DIAPH3: variants seen among roughly 807,000 people sequenced by gnomAD.
DIAPH3 encodes the protein diaphanous related formin 3, also known as protein diaphanous homolog 3.
Under a neutral mutation model 144.3 loss-of-function variants are expected in DIAPH3, and 117 were observed. The ratio of observed to expected loss-of-function variants is 0.81; its 90% CI spans 0.70 to 0.95. The LOEUF (loss-of-function observed/expected upper bound fraction) is 0.95, where lower values mean the gene tolerates loss of function less well. DIAPH3 is among the 40% of genes least tolerant of loss of function. The pLI is 0.00. For synonymous variants in DIAPH3, 519 were observed against 488.9 expected (o/e 1.06, Z -0.81); for missense variants, 1,421 against 1,412.7 (o/e 1.01, Z -0.09).
intron 22 of DIAPH3, among the ~76,000 whole-genome samples, chr13:59,852,379 C>G (rs1341142973): frequency 6.6e-6 from 1 of 152,134 alleles, no homozygotes; most frequent in Admixed American, 6.5e-5. Context: ...TAATTCTTGG[C>G]TGAAATGAAA....
chr13:59,800,671 G>A (rs1235860452), intron 25 of DIAPH3, among the ~76,000 whole-genome samples: 2 of 152,086 alleles, frequency 1.3e-5, no homozygotes, highest in Non-Finnish European at 1.5e-5. Context: ...TAATCCAAAC[G>A]ACATGTTTCC....
chr13:60,036,840 T>C (rs899324471), intron 5 of DIAPH3, among the ~76,000 whole-genome samples: 3 of 152,026 alleles, frequency 2.0e-5, no homozygotes, highest in Middle Eastern at 3.4e-3. Context: ...AATGATAGAA[T>C]AGGAAATAAT....
At chr13:60,135,167 G>T (rs1018202368) in intron 1 of DIAPH3, among the ~76,000 whole-genome samples, 1 of 151,316 alleles carries the variant, frequency 6.6e-6, no homozygotes, top group Non-Finnish European at 1.5e-5. Context: ...ATTTCAGTTG[G>T]GCTCACAACG....
At chr13:59,870,464 T>C (rs2044190812) in intron 21 of DIAPH3, among the ~76,000 whole-genome samples, 1 of 152,062 alleles carries the variant, frequency 6.6e-6, no homozygotes, top group African/African-American at 2.4e-5. Flanking sequence ...CTGGGTCTTT[T>C]GCCTCCCCAT....
chr13:60,123,568 C>T (rs971265129), intron 2 of DIAPH3, among the ~76,000 whole-genome samples: 1 of 152,150 alleles, frequency 6.6e-6, no homozygotes, highest in South Asian at 2.1e-4. Context: ...TCCTAATTAA[C>T]TCATTAATGG....
chr13:60,158,906 TAAAAAAAA>T (rs71197285), intron 1 of DIAPH3, among the ~76,000 whole-genome samples: 3 of 76,914 alleles, frequency 3.9e-5, no homozygotes, highest in East Asian at 7.8e-4. Context: ...TGGCCCCTCT[TAAAAAAAA>T]AAAAAAAAAA....
In DIAPH3 at chr13:59,666,778, T is replaced by C. The variant is rs754504888; in HGVS notation, c.3388A>G (p.Thr1130Ala). The change falls in exon 28 of 28, where the codon ACT becomes GCT. Residue 1130 changes from threonine (T) to alanine (A), a missense_variant. Transcript: ENST00000400324. Reference protein sequence around the residue: ...HYNINCNSTRTPVAKELNYNL... With the variant: ...HYNINCNSTRAPVAKELNYNL... Reference sequence around the variant, plus strand: ...TAATTAAGCTCCTTGGCGACTGGAGTCCTTGTTGAGTTGCAATTGATATTG... The same window carrying C: ...TAATTAAGCTCCTTGGCGACTGGAGCCCTTGTTGAGTTGCAATTGATATTG... 2 of 1,614,098 alleles carry C rather than the reference T, an allele frequency of 1.2e-6. No homozygotes were observed. The highest frequency in any genetic ancestry group is 2.2e-5 in the South Asian group (2 of 91,058).
intron 24 of DIAPH3, among the ~76,000 whole-genome samples, chr13:59,820,659 C>T (rs557194512): frequency 6.6e-6 from 1 of 151,342 alleles, no homozygotes; most frequent in East Asian, 1.9e-4. Flanking sequence ...TATAAACAGC[C>T]TATATTCCAA....
At chr13:59,805,731 C>T (rs1220592412) in intron 25 of DIAPH3, among the ~76,000 whole-genome samples, 1 of 151,900 alleles carries the variant, frequency 6.6e-6, no homozygotes, top group Non-Finnish European at 1.5e-5. Flanking sequence ...TGTTTTAACA[C>T]TATAACATGA....
At chr13:59,701,143 T>A (rs989733164) in intron 27 of DIAPH3, among the ~76,000 whole-genome samples, 2 of 152,224 alleles carry the variant, frequency 1.3e-5, no homozygotes, top group Non-Finnish European at 2.9e-5. Flanking sequence ...TAGAAATTGA[T>A]CTTATCCTTC....
At chr13:59,826,658 C>T (rs1424440274) in intron 24 of DIAPH3, among the ~76,000 whole-genome samples, 1 of 151,678 alleles carries the variant, frequency 6.6e-6, no homozygotes, top group African/African-American at 2.4e-5. Context: ...CAATGACTTT[C>T]TTCACAAAAT....
At chr13:59,756,444 A>AGAAGGAAG (rs921922529) in intron 27 of DIAPH3, among the ~76,000 whole-genome samples, 1 of 122,758 alleles carries the variant, frequency 8.1e-6, no homozygotes, top group Non-Finnish European at 1.7e-5. Flanking sequence ...AAGGAAGGAA[A>AGAAGGAAG]GAAGGAAGGA....
intron 25 of DIAPH3, among the ~76,000 whole-genome samples, 181 bp from the exon 26 acceptor site, chr13:59,775,004 T>C (rs765868029): frequency 1.7e-4 from 26 of 152,204 alleles, no homozygotes; most frequent in Non-Finnish European, 8.8e-5. Context: ...TATCTTTTAA[T>C]GAAAACTGCC....
chr13:59,765,314 T>A (rs917456497), intron 27 of DIAPH3, among the ~76,000 whole-genome samples: 2 of 152,176 alleles, frequency 1.3e-5, no homozygotes, highest in African/African-American at 4.8e-5. Flanking sequence ...GGCAAATGTA[T>A]CATGGAAGGA....
At chr13:59,810,491 T>A (rs2040418127) in intron 25 of DIAPH3, among the ~76,000 whole-genome samples, 1 of 152,332 alleles carries the variant, frequency 6.6e-6, no homozygotes, top group South Asian at 2.1e-4. Context: ...TTAACTGACA[T>A]ACATTATTAA....
At chr13:59,693,861 G>A (rs1274049170) in intron 27 of DIAPH3, among the ~76,000 whole-genome samples, 5 of 152,042 alleles carry the variant, frequency 3.3e-5, no homozygotes, top group Admixed American at 1.3e-4. Flanking sequence ...GGCCAAAAGT[G>A]AATTTTCAAG....
chr13:60,000,387 T>C (rs546948450), intron 9 of DIAPH3, among the ~76,000 whole-genome samples: 11 of 151,890 alleles, frequency 7.2e-5, no homozygotes, highest in African/African-American at 2.7e-4. Context: ...GTTAAAATGG[T>C]AAATTTCATG....
In DIAPH3 at chr13:59,854,970, C is replaced by G. The variant is rs566871446; in HGVS notation, c.2737+6437G>C. ...GCCACAGCAGATTCAGGAAATGTTC[C>G]TAGCTCAGTATCTCAAAAAGCAATC... On this transcript the variant is annotated intron_variant, in intron 22 of 27. Coordinates refer to ENST00000400324, the MANE Select transcript of DIAPH3 (RefSeq NM_001042517.2). Among the ~76,000 whole-genome samples, 3 of 152,282 alleles carry G rather than the reference C, an allele frequency of 2.0e-5. No individual in the cohort carries two copies. The South Asian group carries it at 6.2e-4, about 32-fold the overall frequency.
At chr13:59,956,945 T>C (rs2049440469) in intron 17 of DIAPH3, among the ~76,000 whole-genome samples, 1 of 152,182 alleles carries the variant, frequency 6.6e-6, no homozygotes, top group Non-Finnish European at 1.5e-5. Context: ...ACGGGGCCTG[T>C]AGACCCTTTG....
Sources: gnomAD v4.1 joint callset for allele counts (sites outside exome capture counted in the v4.1 genomes callset) on GRCh38, gnomAD v4.1.1 for gene constraint, MANE v1.5 for transcripts, NCBI Gene and HGNC (gene_info 2026-07-23, HGNC 2026-07-21) for gene names.